Variants in ACOT7 observed in about 807,000 individuals in gnomAD.
ACOT7 encodes cytosolic acyl coenzyme A thioester hydrolase.
A neutral mutation model predicts 40.2 loss-of-function variants in ACOT7; 12 were observed. The observed-to-expected ratio is 0.30, with a 90% CI of 0.19 to 0.48. The LOEUF is 0.48. Among genes scored for constraint, ACOT7 ranks in the 20% least tolerant of loss-of-function variants. The pLI is 0.99. For synonymous variants in ACOT7, 228 were observed against 219.5 expected, an observed-to-expected ratio of 1.04 and a Z score of -0.34; for missense variants, 395 against 530.8, an observed-to-expected ratio of 0.74 and a Z score of 2.51.
intron 1 of ACOT7, among the ~76,000 whole-genome samples, chr1:6,370,475 T>G (rs1448141454): frequency 3.4e-5 from 5 of 145,910 alleles, no homozygotes; most frequent in Non-Finnish European, 7.5e-5. Flanking sequence ...ATTATTATTA[T>G]TATTATTATT....
At chr1:6,285,876 C>T (rs764614738) in intron 7 of ACOT7, among the ~76,000 whole-genome samples, 10 of 152,238 alleles carry the variant, frequency 6.6e-5, no homozygotes, top group Non-Finnish European at 1.2e-4. Context: ...GGGGGGTCCG[C>T]ACCTGCCTTG....
At chr1:6,385,706 A>G in intron 1 of ACOT7, 3 of 1,592,412 alleles carry the variant, frequency 1.9e-6, no homozygotes, top group East Asian at 2.3e-5. Context: ...AGTGACAAGT[A>G]TGATGCCCAG....
chr1:6,366,718 T>C (rs58685342), intron 1 of ACOT7, among the ~76,000 whole-genome samples: 1 of 151,650 alleles, frequency 6.6e-6, no homozygotes, highest in African/African-American at 2.4e-5. Flanking sequence ...TACAGTGGCA[T>C]GATCTCGGCT....
Position 6,349,769 on chromosome 1 carries a change from G to A in ACOT7, c.241C>T (p.His81Tyr). 1 of 1,613,934 alleles carries A rather than the reference G, an allele frequency of 6.2e-7. No individual in the cohort carries two copies. The highest frequency in any genetic ancestry group is 8.5e-7 in the Non-Finnish European group (1 of 1,179,956). ...CTTACCCCGTTCTGGCTGTTGCAAT[G>A]CCGGGTGCTGATGATGGCGCCTGCC... is the stretch of plus-strand genomic sequence containing the variant. Reference protein sequence around the residue: ...EEAGAIISTRHCNSQNGERCV... With the variant: ...EEAGAIISTRYCNSQNGERCV... Residue 81 changes from histidine to tyrosine, a missense_variant, in exon 2 of 9, where the codon CAT becomes TAT. By Grantham distance (83) the His-to-Tyr change is moderately conservative. Around this residue, in one of 2 missense-constraint regions of ACOT7, gnomAD observed 309 missense variants for 470.3 expected, o/e 0.66. Coordinates refer to ENST00000361521, the MANE Select transcript of ACOT7 (RefSeq NM_007274.4).
intron 1 of ACOT7, among the ~76,000 whole-genome samples, chr1:6,362,923 G>A (rs1641921973): frequency 6.6e-6 from 1 of 152,162 alleles, no homozygotes; most frequent in East Asian, 1.9e-4. Flanking sequence ...ATGGTGGTGA[G>A]CACTGCGGGT....
chr1:6,368,296 C>A (rs551423574), intron 1 of ACOT7, among the ~76,000 whole-genome samples: 211 of 152,300 alleles, frequency 1.4e-3, no homozygotes, highest in Non-Finnish European at 2.7e-3. Flanking sequence ...GGCCTCCCTC[C>A]CATGCCTGTT....
At chr1:6,385,572 CG>C (rs1642423610) in intron 1 of ACOT7, 4 of 1,612,032 alleles carry the variant, frequency 2.5e-6, no homozygotes, top group Non-Finnish European at 3.4e-6. Flanking sequence ...GCACCCTCGC[CG>C]GGGCCCCACA....
chr1:6,382,011 G>A (rs1215063341), intron 1 of ACOT7, among the ~76,000 whole-genome samples: 4 of 151,334 alleles, frequency 2.6e-5, no homozygotes, highest in South Asian at 2.1e-4. Context: ...GATGGTGGGC[G>A]CCTGTAGTCC....
At chr1:6,391,358 T>A (rs1642529457) in intron 1 of ACOT7, among the ~76,000 whole-genome samples, 1 of 151,908 alleles carries the variant, frequency 6.6e-6, no homozygotes, top group African/African-American at 2.4e-5. Context: ...ACACAAAAAT[T>A]AGCCAGGCGT....
rs531382384 is a variant in ACOT7 at position 6,311,491 on chromosome 1, G to A, written c.712+7001C>T. ...CCCCAACAAAACCGGTCCAGGGCAG[G>A]GCTGGAGCTGCCGCTGTCCGCAAGG... is the stretch of plus-strand genomic sequence containing the variant. On this transcript the variant is annotated intron_variant, in intron 6 of 8. Transcript: ENST00000361521. This position sits in a 1 kb window ranked among gnomAD's most constrained non-coding sequence, Gnocchi z 5.2. 6.6e-6 allele frequency among the ~76,000 whole-genome samples: 1 copy of A among 152,314 alleles called. No individual in the cohort carries two copies. The highest frequency in any genetic ancestry group is 2.4e-5 in the African/African-American group (1 of 41,564).
intron 1 of ACOT7, among the ~76,000 whole-genome samples, chr1:6,362,930 G>A (rs765054028): frequency 2.6e-5 from 4 of 152,070 alleles, no homozygotes; most frequent in Non-Finnish European, 2.9e-5. Flanking sequence ...TGAGCACTGC[G>A]GGTGGCAAGC....
At chr1:6,353,067 C>G (rs916197727) in intron 1 of ACOT7, among the ~76,000 whole-genome samples, 1 of 152,080 alleles carries the variant, frequency 6.6e-6, no homozygotes, top group Non-Finnish European at 1.5e-5. Context: ...TTACTAGAGA[C>G]AGGGTTTTGC....
At chr1:6,333,389 C>G (rs949993870) in intron 4 of ACOT7, 88 bp downstream of exon 4, 42 of 1,467,372 alleles carry the variant, frequency 2.9e-5, no homozygotes, top group Non-Finnish European at 4.0e-5. Flanking sequence ...CCCTTGAGAC[C>G]CTTAGCTGAA....
At chr1:6,281,623 G>A (rs1010865168) in intron 7 of ACOT7, among the ~76,000 whole-genome samples, 3 of 152,216 alleles carry the variant, frequency 2.0e-5, no homozygotes, top group Non-Finnish European at 4.4e-5. Flanking sequence ...GGGGGAGGCC[G>A]CAGACTGCCT....
chr1:6,375,291 A>G (rs1642207122), intron 1 of ACOT7, among the ~76,000 whole-genome samples: 1 of 151,976 alleles, frequency 6.6e-6, no homozygotes, highest in Non-Finnish European at 1.5e-5. Flanking sequence ...TAATGGAGAC[A>G]AGCCACAGAC....
chr1:6,300,219 TAAGG>T, intron 6 of ACOT7, among the ~76,000 whole-genome samples: 1 of 152,180 alleles, frequency 6.6e-6, no homozygotes, highest in South Asian at 2.1e-4. Context: ...GCAGGAGTTT[TAAGG>T]AAGGGACACC....
At chr1:6,331,649 T>A (rs528946722) in intron 4 of ACOT7, among the ~76,000 whole-genome samples, 1 of 152,298 alleles carries the variant, frequency 6.6e-6, no homozygotes, top group East Asian at 1.9e-4. Context: ...ACTGGCCAGA[T>A]TCTGGCATGC....
intron 4 of ACOT7, 101 bp downstream of exon 4, chr1:6,333,376 G>T: frequency 7.4e-7 from 1 of 1,347,494 alleles, no homozygotes; most frequent in Non-Finnish European, 1.0e-6. Context: ...CTGGCCTGTT[G>T]CTCCCTTGAG....
At chr1:6,313,789 G>A (rs987284285) in intron 6 of ACOT7, among the ~76,000 whole-genome samples, 2 of 151,514 alleles carry the variant, frequency 1.3e-5, no homozygotes, top group Non-Finnish European at 2.9e-5. Flanking sequence ...GCTGTGGATC[G>A]CTCACAGCTG....
Sources: gnomAD v4.1 joint callset for allele counts (sites outside exome capture counted in the v4.1 genomes callset) on GRCh38, gnomAD v4.1.1 for gene constraint, gnomAD v4.1.1 regional missense constraint, Gnocchi (gnomAD v3.1) non-coding constraint, MANE v1.5 for transcripts, NCBI Gene and HGNC (gene_info 2026-07-23, HGNC 2026-07-21) for gene names.